DLGAP4: variants seen among roughly 807,000 people sequenced by gnomAD.
The protein encoded by DLGAP4 is disks large-associated protein 4.
In DLGAP4, 18 loss-of-function variants were observed where a neutral mutation model predicts 86.9. That is an observed-to-expected ratio of 0.21 (90% CI 0.14 to 0.31). The LOEUF (loss-of-function observed/expected upper bound fraction) is 0.31, where lower values mean the gene tolerates loss of function less well. Among genes scored for constraint, DLGAP4 ranks in the 10% least tolerant of loss-of-function variants. DLGAP4 has a pLI of 1.00. For synonymous variants in DLGAP4, 548 were observed against 574.3 expected (o/e 0.95, Z 0.65); for missense variants, 1,085 against 1,362.6 (o/e 0.80, Z 3.21).
intron 2 of DLGAP4, among the ~76,000 whole-genome samples, chr20:36,397,180 A>G (rs2032024757): frequency 6.6e-6 from 1 of 152,196 alleles, no homozygotes; most frequent in Non-Finnish European, 1.5e-5. Flanking sequence ...CTCCCTTGCC[A>G]TGGAGTAAGG....
At chr20:36,335,210 C>T (rs1342415367) in intron 1 of DLGAP4, among the ~76,000 whole-genome samples, 1 of 152,220 alleles carries the variant, frequency 6.6e-6, no homozygotes, top group East Asian at 1.9e-4. Flanking sequence ...GACCATGGTA[C>T]AGCCACCGCC....
chr20:36,384,425 C>T (rs989580633), intron 2 of DLGAP4, among the ~76,000 whole-genome samples: 1 of 152,110 alleles, frequency 6.6e-6, no homozygotes, highest in Non-Finnish European at 1.5e-5. Flanking sequence ...TACCAGGCAC[C>T]CTTTTAATAA....
Position 36,525,522 on chromosome 20 carries a change from C to T in DLGAP4, c.2605-329C>T, listed in dbSNP as rs2037697652. The T allele has an allele frequency of 1.0e-5, 4 of 385,948 alleles. 1 individual carries two copies. The South Asian group carries it at 1.4e-4, about 13-fold the overall frequency. 23.9% of individuals were successfully genotyped at this position (385,948 alleles called of 1,614,324 possible). The stretch of plus-strand genomic sequence containing the variant: ...CCACCTGGGAGTGAATCGGGCTTCT[C>T]TCGGTGTCACTGTCACACCATGGCC... On this transcript the variant is annotated intron_variant, in intron 11 of 12. Coordinates refer to ENST00000339266, the MANE Select transcript of DLGAP4 (RefSeq NM_001365621.2).
At chr20:36,417,612 G>A (rs1406416947) in intron 2 of DLGAP4, among the ~76,000 whole-genome samples, 4 of 152,014 alleles carry the variant, frequency 2.6e-5, no homozygotes, top group Non-Finnish European at 5.9e-5. Flanking sequence ...TCAAACTGCT[G>A]GGCTCAAGTG....
chr20:36,518,097 G>A (rs2147843314), intron 10 of DLGAP4, among the ~76,000 whole-genome samples: 1 of 152,188 alleles, frequency 6.6e-6, no homozygotes, highest in East Asian at 1.9e-4. Flanking sequence ...GCGGGTGCCT[G>A]TAATCCGAGC....
chr20:36,449,959 C>T (rs1335543246), intron 7 of DLGAP4, among the ~76,000 whole-genome samples: 1 of 152,222 alleles, frequency 6.6e-6, no homozygotes, highest in Non-Finnish European at 1.5e-5. Context: ...AAAGAGTCCT[C>T]CTGGGATCAG....
At position 36,431,636 on chromosome 20, in the gene DLGAP4, C is replaced by G; in HGVS notation, c.-72-10C>G. On this transcript the variant is annotated splice_polypyrimidine_tract_variant and intron_variant, in intron 2 of 12. Transcript: ENST00000339266. This position sits in a 1 kb window ranked among gnomAD's most constrained non-coding sequence, Gnocchi z 5.1. The stretch of plus-strand genomic sequence containing the variant: ...TGACCAGCTGACCGCTTTCTGTCTT[C>G]TCTCCCTAGGATAGCTGCCGCCCGG... The G allele has an allele frequency of 6.8e-7, 1 of 1,465,418 alleles. No homozygotes were observed. The highest frequency in any genetic ancestry group is 9.1e-7 in the Non-Finnish European group (1 of 1,096,724). The allele number at this position is 1,465,418 out of a possible 1,614,324, so 90.8% of individuals were successfully genotyped here.
chr20:36,349,601 A>G (rs1249513801), intron 1 of DLGAP4, among the ~76,000 whole-genome samples: 1 of 152,094 alleles, frequency 6.6e-6, no homozygotes, highest in Non-Finnish European at 1.5e-5. Flanking sequence ...GCCTGGTTTG[A>G]CAGAGAAACA....
chr20:36,467,939 C>T (rs1569510044), intron 7 of DLGAP4, among the ~76,000 whole-genome samples: 1 of 152,248 alleles, frequency 6.6e-6, no homozygotes, highest in Non-Finnish European at 1.5e-5. Context: ...GGCCAACTGT[C>T]TCCAAACCGT....
chr20:36,462,436 T>G, intron 7 of DLGAP4: 1 of 1,521,508 alleles, frequency 6.6e-7, no homozygotes. Context: ...CCTGCTTCTT[T>G]GCCTGGGGCC....
At chr20:36,513,004 T>A (rs373972859) in intron 10 of DLGAP4, among the ~76,000 whole-genome samples, 1 of 125,454 alleles carries the variant, frequency 8.0e-6, no homozygotes. Flanking sequence ...CAGGCTGGAG[T>A]GCAGCGGCGC....
At chr20:36,335,410 A>G (rs1192538463) in intron 1 of DLGAP4, among the ~76,000 whole-genome samples, 5 of 152,172 alleles carry the variant, frequency 3.3e-5, no homozygotes, top group Non-Finnish European at 1.5e-5. Context: ...CTGTTTGCTC[A>G]TCTATAAAAT....
rs187459107 is a variant in DLGAP4 at position 36,371,314 on chromosome 20, G to A, written c.-73+4039G>A. 2.6e-5 allele frequency among the ~76,000 whole-genome samples: 4 copies of A among 152,326 alleles called. No homozygotes were observed. In the East Asian group the frequency reaches 7.7e-4, roughly 29 times the overall value. On this transcript the variant is annotated intron_variant, in intron 2 of 12. Coordinates refer to ENST00000339266, the MANE Select transcript of DLGAP4 (RefSeq NM_001365621.2). The stretch of plus-strand genomic sequence containing the variant: ...GTTCCAAGGACATCTCTTGAGTCTA[G>A]TCCCTGCTAGTCCACACCCTTCCTG...
In DLGAP4 at chr20:36,342,876, C is replaced by A. The variant is rs527332738; in HGVS notation, c.-303-24169C>A. On this transcript the variant is annotated intron_variant, in intron 1 of 12. Coordinates refer to ENST00000339266, the MANE Select transcript of DLGAP4 (RefSeq NM_001365621.2). The stretch of plus-strand genomic sequence containing the variant: ...CAGCAGAGGCGACATTTGTGCTAGG[C>A]CCTGAGGCATGAGAAGGAGCCATGC... Among the ~76,000 whole-genome samples the A allele has an allele frequency of 6.0e-4, 91 of 152,266 alleles. No individual in the cohort carries two copies. The South Asian group carries it at 6.4e-3, about 11-fold the overall frequency.
intron 1 of DLGAP4, among the ~76,000 whole-genome samples, chr20:36,316,765 G>A (rs1225836454): frequency 6.6e-6 from 1 of 152,120 alleles, no homozygotes; most frequent in Non-Finnish European, 1.5e-5. Flanking sequence ...TCACCCAGGG[G>A]TGCCTTGGAC....
intron 2 of DLGAP4, among the ~76,000 whole-genome samples, chr20:36,387,318 C>T (rs2031633656): frequency 6.6e-6 from 1 of 152,200 alleles, no homozygotes; most frequent in Non-Finnish European, 1.5e-5. Context: ...TTCTCTTCTG[C>T]AAAATGCCTG....
chr20:36,424,537 G>A (rs1372763054), intron 2 of DLGAP4, among the ~76,000 whole-genome samples: 1 of 152,170 alleles, frequency 6.6e-6, no homozygotes, highest in Non-Finnish European at 1.5e-5. Flanking sequence ...GAACTTGGCT[G>A]TGAATTGTCA....
intron 1 of DLGAP4, among the ~76,000 whole-genome samples, chr20:36,345,751 C>T (rs1555892879): frequency 6.6e-6 from 1 of 152,126 alleles, no homozygotes; most frequent in African/African-American, 2.4e-5. Context: ...CTGCCTCCTC[C>T]TGATCCTATT....
rs552903656 is a variant in DLGAP4 at position 36,527,133 on chromosome 20, T to C, written c.*102T>C. On this transcript the variant is annotated 3_prime_UTR_variant, in exon 13 of 13. Transcript: ENST00000339266. ...CAACCTTTGCTATGGTTATTCTGTC[T>C]AGAGACCCTGAGCCAACTTTCAAAT... 7.4e-4 allele frequency: 932 copies of C among 1,267,346 alleles called. 2 individuals carry two copies. Among genetic ancestry groups the C allele is most frequent in the Non-Finnish European group, 9.4e-4 (889 of 943,872 alleles). 78.5% of individuals were successfully genotyped at this position (1,267,346 alleles called of 1,614,324 possible). A position where few individuals can be genotyped will look rare whatever the true frequency, so the allele number is the denominator to read the frequency against.
Sources: gnomAD v4.1 joint callset for allele counts (sites outside exome capture counted in the v4.1 genomes callset) on GRCh38, gnomAD v4.1.1 for gene constraint, Gnocchi (gnomAD v3.1) non-coding constraint, MANE v1.5 for transcripts, NCBI Gene and HGNC (gene_info 2026-07-23, HGNC 2026-07-21) for gene names.